The following DNAAF11 variants were observed in gnomAD, a reference collection of about 807,000 sequenced individuals.
DNAAF11 encodes dynein axonemal assembly factor 11, also known as leucine rich repeat containing 6.
In DNAAF11, 45 loss-of-function variants were observed where a neutral mutation model predicts 60.8. The observed-to-expected ratio is 0.74, with a 90% CI of 0.58 to 0.95. The LOEUF (loss-of-function observed/expected upper bound fraction) is 0.95. Among genes scored for constraint, DNAAF11 ranks in the 40% least tolerant of loss-of-function variants. The pLI is 0.00. For synonymous variants in DNAAF11, 191 were observed against 183.5 expected, an observed-to-expected ratio of 1.04 and a Z score of -0.33; for missense variants, 546 against 546.2, an observed-to-expected ratio of 1.00 and a Z score of 0.00.
upstream of DNAAF11, among the ~76,000 whole-genome samples, chr8:132,677,087 T>C (rs1276712495): frequency 6.6e-6 from 1 of 152,170 alleles, no homozygotes; most frequent in Non-Finnish European, 1.5e-5. Flanking sequence ...GATGACAATA[T>C]GGGTAAACAT....
intron 10 of DNAAF11, among the ~76,000 whole-genome samples, chr8:132,607,149 G>C (rs1008986322): frequency 6.6e-6 from 1 of 152,118 alleles, no homozygotes; most frequent in African/African-American, 2.4e-5. Context: ...CTCTATGCAG[G>C]TGTACCACTT....
intron 1 of DNAAF11, among the ~76,000 whole-genome samples, chr8:132,667,716 G>A (rs1824772035): frequency 6.6e-6 from 1 of 152,144 alleles, no homozygotes; most frequent in Non-Finnish European, 1.5e-5. Flanking sequence ...TGCTGTGGAG[G>A]AATCCAAGGG....
intron 7 of DNAAF11, among the ~76,000 whole-genome samples, chr8:132,619,777 A>C (rs1169501963): frequency 6.6e-6 from 1 of 152,198 alleles, no homozygotes; most frequent in Non-Finnish European, 1.5e-5. Context: ...CTGATCTAGC[A>C]GAGTGGAGAG....
chr8:132,587,701 T>G (rs996972859), intron 10 of DNAAF11, among the ~76,000 whole-genome samples: 10 of 152,216 alleles, frequency 6.6e-5, no homozygotes, highest in Non-Finnish European at 1.3e-4. Context: ...ACTAACAGTT[T>G]CCTGAATCCA....
At chr8:132,592,770 G>A (rs927484654) in intron 10 of DNAAF11, among the ~76,000 whole-genome samples, 10 of 152,080 alleles carry the variant, frequency 6.6e-5, no homozygotes, top group African/African-American at 2.4e-4. Flanking sequence ...TGGCAATAAA[G>A]ACAAAGATTG....
chr8:132,654,380 G>C (rs1011150648), intron 3 of DNAAF11, among the ~76,000 whole-genome samples: 2 of 151,810 alleles, frequency 1.3e-5, no homozygotes, highest in Non-Finnish European at 2.9e-5. Flanking sequence ...TAGAATATCA[G>C]CAAGGAAATA....
chr8:132,575,579 C>A (rs1814660480), intron 11 of DNAAF11, among the ~76,000 whole-genome samples: 1 of 152,086 alleles, frequency 6.6e-6, no homozygotes, highest in Non-Finnish European at 1.5e-5. Context: ...GTAGGATAAA[C>A]AAGCCAGGTT....
chr8:132,631,897 G>A (rs62514511), intron 5 of DNAAF11, among the ~76,000 whole-genome samples: 10,298 of 152,080 alleles, frequency 0.068, 499 homozygotes, highest in Non-Finnish European at 0.1. Flanking sequence ...GATAGCATTA[G>A]GAGATATACC....
rs997622101 is a variant in DNAAF11, at chr8:132,637,812, G to C, written c.429+123C>G. On this transcript the variant is annotated intron_variant, in intron 4 of 11. Coordinates refer to ENST00000620350, the MANE Select transcript of DNAAF11 (RefSeq NM_012472.6). ...TCTAGCCATTCAAATAATTACTTTG[G>C]GCTCTCTGGAATATTCCATTATCTG... The C allele has an allele frequency of 2.3e-5, 17 of 728,524 alleles. No homozygotes were observed. In the African/African-American group the frequency reaches 2.8e-4, roughly 12 times the overall value. 45.1% of individuals were successfully genotyped at this position (728,524 alleles called of 1,614,324 possible).
intron 7 of DNAAF11, among the ~76,000 whole-genome samples, chr8:132,622,080 AAGAC>A (rs1400843891): frequency 6.6e-6 from 1 of 152,200 alleles, no homozygotes; most frequent in African/African-American, 2.4e-5. Flanking sequence ...TTCAATTTTT[AAGAC>A]AGACAAAGAG....
chr8:132,633,872 G>A (rs1459346786), intron 4 of DNAAF11, among the ~76,000 whole-genome samples: 1 of 152,124 alleles, frequency 6.6e-6, no homozygotes, highest in Non-Finnish European at 1.5e-5. Flanking sequence ...GGCAAAGTAA[G>A]GGATTCTCTC....
chr8:132,654,835 A>G (rs922592674), intron 3 of DNAAF11, among the ~76,000 whole-genome samples: 1 of 152,022 alleles, frequency 6.6e-6, no homozygotes, highest in African/African-American at 2.4e-5. Context: ...ACAACGACTC[A>G]TATCAATAAC....
intron 11 of DNAAF11, among the ~76,000 whole-genome samples, chr8:132,582,843 T>A (rs561248390): frequency 6.6e-6 from 1 of 152,222 alleles, no homozygotes; most frequent in Non-Finnish European, 1.5e-5. Context: ...GATTTTACCA[T>A]CTGGATGATA....
intron 5 of DNAAF11, among the ~76,000 whole-genome samples, chr8:132,629,190 G>C (rs1465998674): frequency 6.6e-6 from 1 of 152,092 alleles, no homozygotes; most frequent in Non-Finnish European, 1.5e-5. Flanking sequence ...TAATGCATGT[G>C]ATGATAAAAG....
At position 132,622,703 on chromosome 8, in the gene DNAAF11, TG is replaced by T; in HGVS notation, c.837-16del. 1 of 1,577,930 alleles carries T rather than the reference TG, an allele frequency of 6.3e-7. No homozygotes were observed. On this transcript the variant is annotated splice_polypyrimidine_tract_variant and intron_variant, in intron 6 of 11. Transcript: ENST00000620350. The stretch of plus-strand genomic sequence containing the variant: ...TCTTTTTTTCACTTAAGATTGGTGG[TG>T]GATGAGAACAATGGGCAGCATGGAA...
chr8:132,658,910 C>G (rs1005781198), intron 2 of DNAAF11, among the ~76,000 whole-genome samples: 4 of 152,138 alleles, frequency 2.6e-5, no homozygotes, highest in Non-Finnish European at 4.4e-5. Context: ...AATGGAAGAG[C>G]CTCTTGGGTA....
At chr8:132,612,070 C>T (rs1818718856) in intron 8 of DNAAF11, among the ~76,000 whole-genome samples, 1 of 152,116 alleles carries the variant, frequency 6.6e-6, no homozygotes, top group Non-Finnish European at 1.5e-5. Flanking sequence ...TAAGCTAATA[C>T]AAGGGTTACA....
chr8:132,680,961 AATGGC>A, the DNAAF11 span, among the ~76,000 whole-genome samples: 1 of 149,904 alleles, frequency 6.7e-6, no homozygotes, highest in Non-Finnish European at 1.5e-5. Context: ...ATTTAAAAGT[AATGGC>A]AAAAACCGCA....
In DNAAF11 at chr8:132,675,494, G is replaced by T; in HGVS notation, c.-1C>A. 1 of 1,568,616 alleles carries T rather than the reference G, an allele frequency of 6.4e-7. No individual in the cohort carries two copies. Among genetic ancestry groups the T allele is most frequent in the Non-Finnish European group, 8.7e-7 (1 of 1,154,138 alleles). ...TGGAGGGGGGCTTACTCCAGCCCAT[G>T]GCGCCTCTCCAGTTCGCTGACCCCG... On this transcript the variant is annotated 5_prime_UTR_variant, in exon 1 of 12. Transcript: ENST00000620350.
Sources: gnomAD v4.1 joint callset for allele counts (sites outside exome capture counted in the v4.1 genomes callset) on GRCh38, gnomAD v4.1.1 for gene constraint, MANE v1.5 for transcripts, NCBI Gene and HGNC (gene_info 2026-07-23, HGNC 2026-07-21) for gene names.